Variants in FBXL17 observed in about 807,000 individuals in gnomAD.
FBXL17 encodes F-box and leucine rich repeat protein 17.
A neutral mutation model predicts 66.2 loss-of-function variants in FBXL17; 22 were observed. The ratio of observed to expected loss-of-function variants is 0.33; its 90% CI spans 0.24 to 0.47. FBXL17 has a LOEUF of 0.47. Ranked by LOEUF, FBXL17 falls within the 20% of genes least tolerant of loss-of-function variation. The pLI is 1.00. For synonymous variants in FBXL17, 474 were observed against 400.5 expected (o/e 1.18, Z -2.19); for missense variants, 878 against 948.2 (o/e 0.93, Z 0.97).
intron 7 of FBXL17, among the ~76,000 whole-genome samples, chr5:107,916,924 AGTC>A (rs907931607): frequency 1.8e-4 from 28 of 152,228 alleles, no homozygotes; most frequent in African/African-American, 6.5e-4. Flanking sequence ...CTAAAAATTT[AGTC>A]TCTGAGTATG....
intron 7 of FBXL17, among the ~76,000 whole-genome samples, chr5:107,932,402 A>T (rs1015344367): frequency 1.3e-5 from 2 of 152,158 alleles, no homozygotes; most frequent in African/African-American, 2.4e-5. Flanking sequence ...ATGAGGTTGG[A>T]TATTTTAATG....
intron 6 of FBXL17, among the ~76,000 whole-genome samples, chr5:108,101,882 T>C (rs1167444232): frequency 2.6e-5 from 4 of 152,202 alleles, no homozygotes. Flanking sequence ...ATGCTAAGGA[T>C]ATACTTTGCA....
chr5:107,953,308 C>T (rs1359909508), intron 7 of FBXL17, among the ~76,000 whole-genome samples: 1 of 147,982 alleles, frequency 6.8e-6, no homozygotes. Flanking sequence ...GAGGCTGAGG[C>T]AGGAGAATGG....
chr5:108,269,609 G>A (rs1757184145), intron 4 of FBXL17, among the ~76,000 whole-genome samples: 1 of 151,966 alleles, frequency 6.6e-6, no homozygotes, highest in African/African-American at 2.4e-5. Flanking sequence ...GAAATCTGAA[G>A]GCAAGAAGAT....
At chr5:108,178,130 A>C (rs1752865870) in intron 6 of FBXL17, among the ~76,000 whole-genome samples, 1 of 151,652 alleles carries the variant, frequency 6.6e-6, no homozygotes, top group African/African-American at 2.4e-5. Context: ...GTCTCAAGCA[A>C]TCTTCCCAGT....
chr5:107,870,514 C>T (rs1336197009), intron 8 of FBXL17, among the ~76,000 whole-genome samples: 1 of 152,052 alleles, frequency 6.6e-6, no homozygotes, highest in East Asian at 1.9e-4. Context: ...CCCCAGTTCT[C>T]ACATGGACCT....
intron 6 of FBXL17, among the ~76,000 whole-genome samples, chr5:108,083,088 C>G (rs376253694): frequency 1.3e-5 from 2 of 151,846 alleles, no homozygotes; most frequent in South Asian, 2.1e-4. Context: ...AATTATAACC[C>G]CCAAATAATC....
chr5:107,877,081 T>C (rs2112495409), intron 8 of FBXL17, among the ~76,000 whole-genome samples: 1 of 152,324 alleles, frequency 6.6e-6, no homozygotes, highest in Non-Finnish European at 1.5e-5. Flanking sequence ...CTTCTCTTGG[T>C]TCTTACAATG....
chr5:108,294,290 A>T (rs191092494), intron 4 of FBXL17, among the ~76,000 whole-genome samples: 1,834 of 146,434 alleles, frequency 0.013, 27 homozygotes, highest in African/African-American at 0.025. Context: ...CTGAAAAAAA[A>T]AAATATATAT....
intron 6 of FBXL17, among the ~76,000 whole-genome samples, chr5:108,166,487 T>C (rs976433652): frequency 6.6e-6 from 1 of 152,116 alleles, no homozygotes; most frequent in South Asian, 2.1e-4. Context: ...AAAAAACTGA[T>C]AATAAATAAC....
At chr5:108,343,175 T>C (rs1441295368) in intron 4 of FBXL17, among the ~76,000 whole-genome samples, 1 of 152,166 alleles carries the variant, frequency 6.6e-6, no homozygotes, top group Non-Finnish European at 1.5e-5. Flanking sequence ...CACATGTCTG[T>C]TGTTTGTAAG....
chr5:107,885,257 T>TAAA lies in FBXL17; in HGVS notation c.1823-4081_1823-4079dup, dbSNP rs367944993. Among the ~76,000 whole-genome samples, 951 of 152,214 alleles carry TAAA rather than the reference T, an allele frequency of 6.2e-3. 10 individuals carry two copies. Among genetic ancestry groups the TAAA allele is most frequent in the African/African-American group, 0.022 (917 of 41,524 alleles). On this transcript the variant is annotated intron_variant, in intron 7 of 8. Transcript: ENST00000542267. ...TAAATTTTAAAAAAGGTACACAAAT[T>TAAA]AAAAGCTGTAGTTCAGTAACTTGTG... is the stretch of plus-strand genomic sequence containing the variant.
chr5:108,348,264 A>AT (rs1747404278), intron 4 of FBXL17, 135 bp downstream of exon 4: 2 of 689,862 alleles, frequency 2.9e-6, no homozygotes, highest in Non-Finnish European at 4.5e-6. Context: ...CATCACTTTA[A>AT]AAGGATTTTT....
At chr5:108,169,129 C>T (rs1337339497) in intron 6 of FBXL17, among the ~76,000 whole-genome samples, 1 of 152,138 alleles carries the variant, frequency 6.6e-6, no homozygotes, top group African/African-American at 2.4e-5. Context: ...ACAAGCTTCA[C>T]TATTATGTCC....
chr5:108,010,199 A>T (rs886634948), intron 7 of FBXL17, among the ~76,000 whole-genome samples: 2 of 152,218 alleles, frequency 1.3e-5, no homozygotes, highest in Non-Finnish European at 2.9e-5. Context: ...AGTTTTGAAC[A>T]CTTTTCTATT....
At chr5:108,257,180 A>G (rs772107754) in intron 4 of FBXL17, among the ~76,000 whole-genome samples, 1 of 152,208 alleles carries the variant, frequency 6.6e-6, no homozygotes, top group Non-Finnish European at 1.5e-5. Flanking sequence ...ACGTAATGAA[A>G]ACAGCACAAC....
chr5:108,174,669 T>C (rs1752725349), intron 6 of FBXL17, among the ~76,000 whole-genome samples: 1 of 142,920 alleles, frequency 7.0e-6, no homozygotes, highest in African/African-American at 2.6e-5. Context: ...AAGAAGCACT[T>C]AAAAGTACTA....
chr5:108,151,437 C>T (rs889843817), intron 6 of FBXL17, among the ~76,000 whole-genome samples: 4 of 152,170 alleles, frequency 2.6e-5, no homozygotes, highest in Admixed American at 6.5e-5. Flanking sequence ...TCTGTCACAT[C>T]TCCAGTGTTC....
chr5:108,289,937 G>A (rs772670830), intron 4 of FBXL17, among the ~76,000 whole-genome samples: 1 of 152,110 alleles, frequency 6.6e-6, no homozygotes, highest in Non-Finnish European at 1.5e-5. Context: ...TTGTGCAAGT[G>A]TATTTTACTC....
Sources: allele counts gnomAD v4.1 joint callset (sites outside exome capture counted in the v4.1 genomes callset), GRCh38; gene constraint gnomAD v4.1.1; transcripts MANE v1.5; gene names NCBI Gene and HGNC (gene_info 2026-07-23, HGNC 2026-07-21).